CDH23: variants seen among roughly 807,000 people sequenced by gnomAD.
The protein encoded by CDH23 is cadherin-23.
In CDH23, 189 loss-of-function variants were observed where a neutral mutation model predicts 317.1. That is an observed-to-expected ratio of 0.60 (90% CI 0.53 to 0.67). The LOEUF (loss-of-function observed/expected upper bound fraction) is 0.67, where lower values mean the gene tolerates loss of function less well. CDH23 is among the 30% of genes least tolerant of loss of function. The pLI, the probability that CDH23 is intolerant of heterozygous loss-of-function variation, is 0.00. For missense variants in CDH23, 4,401 were observed against 4,592.4 expected (o/e 0.96, Z 1.20); for synonymous variants, 1,839 against 1,876.8 (o/e 0.98, Z 0.52).
At chr10:71,713,443 CAG>C in intron 28 of CDH23, 1 of 599,400 alleles carries the variant, frequency 1.7e-6, no homozygotes, top group East Asian at 2.8e-5. Context: ...CTGAGCCAAA[CAG>C]GGAATCTGGG....
chr10:71,415,351 C>T (rs1848491549), intron 1 of CDH23, among the ~76,000 whole-genome samples: 3 of 152,200 alleles, frequency 2.0e-5, no homozygotes, highest in African/African-American at 7.2e-5. Context: ...CTTCCTCTAC[C>T]TCCTAAACTG....
At chr10:71,713,111 C>A (rs2394838) in intron 28 of CDH23, 15 of 771,802 alleles carry the variant, frequency 1.9e-5, no homozygotes, top group African/African-American at 1.9e-4. Flanking sequence ...TTCAGAGTAG[C>A]GGGGAGAAAG....
chr10:71,580,436 C>T (rs879552087), intron 9 of CDH23, among the ~76,000 whole-genome samples: 3 of 152,218 alleles, frequency 2.0e-5, no homozygotes, highest in Non-Finnish European at 4.4e-5. Context: ...TTCAGCATAG[C>T]TTTATAGGAT....
At chr10:71,699,201 G>T (rs1436935433) in intron 22 of CDH23, among the ~76,000 whole-genome samples, 4 of 152,258 alleles carry the variant, frequency 2.6e-5, no homozygotes, top group Admixed American at 1.3e-4. Context: ...TTCAAAATAT[G>T]TGTTGTTGAG....
intron 1 of CDH23, among the ~76,000 whole-genome samples, chr10:71,427,859 C>T (rs1849177575): frequency 6.6e-6 from 1 of 151,084 alleles, no homozygotes; most frequent in Admixed American, 6.6e-5. Context: ...ACTGCAGGCG[C>T]ATGCTGCTAT....
chr10:71,724,306 T>G (rs1468949366), intron 29 of CDH23, among the ~76,000 whole-genome samples: 1 of 152,176 alleles, frequency 6.6e-6, no homozygotes, highest in Non-Finnish European at 1.5e-5. Context: ...TGATTATTTG[T>G]TTTTGAGACG....
intron 7 of CDH23, among the ~76,000 whole-genome samples, chr10:71,569,896 AT>A (rs5786043): frequency 2.5e-4 from 37 of 150,680 alleles, no homozygotes; most frequent in Admixed American, 8.6e-4. Flanking sequence ...TTAAAAAAAA[AT>A]TTTTTTTTTG....
At chr10:71,759,846 C>CACACACACAT (rs776230069) in intron 38 of CDH23, among the ~76,000 whole-genome samples, 3,308 of 59,850 alleles carry the variant, frequency 0.055, 229 homozygotes, top group East Asian at 0.18. Flanking sequence ...CACACACACA[C>CACACACACAT]ATATACACAC....
chr10:71,800,306 G>A (rs186292395), intron 52 of CDH23, among the ~76,000 whole-genome samples: 3 of 152,278 alleles, frequency 2.0e-5, no homozygotes, highest in East Asian at 1.9e-4. Flanking sequence ...CCCTTTCAGC[G>A]GGGTTCACTC....
chr10:71,468,220 G>A (rs1851345853), intron 3 of CDH23, among the ~76,000 whole-genome samples: 1 of 152,208 alleles, frequency 6.6e-6, no homozygotes, highest in Non-Finnish European at 1.5e-5. Flanking sequence ...GCAGGAAAGA[G>A]TATGAAAAGA....
intron 1 of CDH23, among the ~76,000 whole-genome samples, chr10:71,420,071 C>T (rs376426551): frequency 1.3e-5 from 2 of 152,070 alleles, no homozygotes; most frequent in South Asian, 2.1e-4. Flanking sequence ...CTTTAAAAGG[C>T]GGGGGTTGAC....
rs191300206 is a variant in CDH23, at chr10:71,701,521, T to A, written c.2398-501T>A. Among the ~76,000 whole-genome samples, 10 of 151,796 alleles carry A rather than the reference T, an allele frequency of 6.6e-5. No homozygotes were observed. In the East Asian group the frequency reaches 2.0e-3, roughly 30 times the overall value. On this transcript the variant is annotated intron_variant, in intron 22 of 69. Coordinates refer to ENST00000224721, the MANE Select transcript of CDH23 (RefSeq NM_022124.6). ...GTTGAAGGGGCCAGAGTGTCTGAGG[T>A]CCAGTCCTGAGACCCTGCCCCTTAT...
intron 1 of CDH23, among the ~76,000 whole-genome samples, chr10:71,436,351 G>A (rs1485501474): frequency 6.6e-6 from 1 of 152,260 alleles, no homozygotes; most frequent in Non-Finnish European, 1.5e-5. Context: ...ACTGTGGAAA[G>A]CGAAAGGCAT....
intron 38 of CDH23, among the ~76,000 whole-genome samples, chr10:71,745,761 G>A (rs1375592110): frequency 6.6e-6 from 1 of 152,206 alleles, no homozygotes; most frequent in African/African-American, 2.4e-5. Context: ...TATGAGGAAG[G>A]AGCATTGTCC....
At chr10:71,761,970 C>T (rs772806957) in intron 38 of CDH23, 1 of 1,613,726 alleles carries the variant, frequency 6.2e-7, no homozygotes, top group Middle Eastern at 1.7e-4. Context: ...ACGTTCTGCC[C>T]CTCGGGACAG....
intron 6 of CDH23, among the ~76,000 whole-genome samples, chr10:71,560,018 G>A (rs916236191): frequency 6.6e-6 from 1 of 152,104 alleles, no homozygotes; most frequent in African/African-American, 2.4e-5. Flanking sequence ...TGTGGACCTC[G>A]TCCTCCTGCG....
intron 62 of CDH23, among the ~76,000 whole-genome samples, chr10:71,810,990 G>T (rs2132999849): frequency 6.8e-6 from 1 of 146,642 alleles, no homozygotes; most frequent in African/African-American, 2.5e-5. Flanking sequence ...TGAGGCAGGA[G>T]AATCGCTTGA....
At chr10:71,540,912 C>T (rs939301881) in intron 6 of CDH23, among the ~76,000 whole-genome samples, 1 of 151,982 alleles carries the variant, frequency 6.6e-6, no homozygotes, top group Admixed American at 6.6e-5. Flanking sequence ...GGGTCTCTCT[C>T]ATGTTCCCCA....
intron 6 of CDH23, among the ~76,000 whole-genome samples, chr10:71,521,740 G>A (rs1459669162): frequency 6.6e-6 from 1 of 152,186 alleles, no homozygotes; most frequent in Admixed American, 6.5e-5. Flanking sequence ...AGCTGCTGAG[G>A]GCCGGCCCCG....
Sources: allele counts gnomAD v4.1 joint callset (sites outside exome capture counted in the v4.1 genomes callset), GRCh38; gene constraint gnomAD v4.1.1; transcripts MANE v1.5; gene names NCBI Gene and HGNC (gene_info 2026-07-23, HGNC 2026-07-21).